The following PARVG variants were observed in gnomAD, a reference collection of about 807,000 sequenced individuals.
PARVG encodes the protein parvin gamma, also known as gamma-parvin.
In PARVG, 36 loss-of-function variants were observed where a neutral mutation model predicts 44.4. That is an observed-to-expected ratio of 0.81 (90% CI 0.62 to 1.07). PARVG has a LOEUF of 1.07. Among genes scored for constraint, PARVG ranks in the 50% least tolerant of loss-of-function variants. The pLI is 0.00. For synonymous variants in PARVG, 170 were observed against 174.1 expected, an observed-to-expected ratio of 0.98 and a Z score of 0.19; for missense variants, 407 against 407.4, an observed-to-expected ratio of 1.00 and a Z score of 0.01.
chr22:44,189,382 G>A, intron 6 of PARVG, 128 bp downstream of exon 6: 1 of 1,409,574 alleles, frequency 7.1e-7, no homozygotes, highest in South Asian at 1.4e-5. Context: ...CTGGGAGTCA[G>A]GAAGGAGGTA....
chr22:44,193,863 G>A (rs1466672321), intron 9 of PARVG, 40 bp downstream of exon 9: 1 of 1,611,868 alleles, frequency 6.2e-7, no homozygotes, highest in Non-Finnish European at 8.5e-7. Flanking sequence ...GTTCCTATCT[G>A]ATGCGTGTTA....
At chr22:44,173,132 G>A in exon 1 of PARVG, 2 of 1,288,412 alleles carry the variant, frequency 1.6e-6, no homozygotes. Flanking sequence ...TGGGACTTTG[G>A]GAACCCCAAA....
At position 44,180,974 on chromosome 22, in the gene PARVG, G is replaced by A. The variant is rs2054366893; in HGVS notation, c.-400G>A. ...GAAGTGTTTCTCTATCTACTGTGCT[G>A]AGATCTCTCCTTCTCGAACCCTGCT... On this transcript the variant is annotated 5_prime_UTR_variant, in exon 1 of 14. Coordinates refer to ENST00000444313, the MANE Select transcript of PARVG (RefSeq NM_022141.7). 1 of 985,226 alleles carries A rather than the reference G, an allele frequency of 1.0e-6. No individual in the cohort carries two copies. The highest frequency in any genetic ancestry group is 6.2e-5 in the Admixed American group (1 of 16,250). The allele number at this position is 985,226 out of a possible 1,614,324, so 61.0% of individuals were successfully genotyped here.
At chr22:44,193,663 A>G (rs558366392) in intron 8 of PARVG, 138 bp from the exon 9 acceptor site, 13 of 1,086,032 alleles carry the variant, frequency 1.2e-5, no homozygotes, top group South Asian at 7.3e-5. Flanking sequence ...CCCTACCTAC[A>G]AAGCTGCCAG....
upstream of PARVG, among the ~76,000 whole-genome samples, chr22:44,176,635 G>C (rs750483074): frequency 1.5e-4 from 18 of 119,942 alleles, no homozygotes; most frequent in Non-Finnish European, 2.5e-4. Context: ...ACTAGGATGA[G>C]AGCAAAGGCT....
In PARVG at chr22:44,207,116, G is replaced by A. The variant is rs542662564; in HGVS notation, c.*690G>A. 6.6e-6 allele frequency: 1 copy of A among 151,652 alleles called. No homozygotes were observed. Among genetic ancestry groups the A allele is most frequent in the African/African-American group, 2.4e-5 (1 of 41,024 alleles). The allele number at this position is 151,652 out of a possible 1,614,324, so 9.4% of individuals were successfully genotyped here. ...TGTGGGTTCCCACTCGCTCCAGTGA[G>A]ACTTGGCATTTTCTGCACATAAAGA... On this transcript the variant is annotated 3_prime_UTR_variant, in exon 14 of 14. Coordinates refer to ENST00000444313, the MANE Select transcript of PARVG (RefSeq NM_022141.7).
Position 44,185,789 on chromosome 22 carries a change from A to G in PARVG, c.80-19A>G. 6.2e-7 allele frequency: 1 copy of G among 1,610,556 alleles called. No homozygotes were observed. Among genetic ancestry groups the G allele is most frequent in the East Asian group, 2.2e-5 (1 of 44,770 alleles). ...CCCACAGGGTCCCCATGCGCTTGTCATACCCACTCTGCTTCCAGGAGGAAA... is the reference window on the plus strand; with the variant it reads ...CCCACAGGGTCCCCATGCGCTTGTCGTACCCACTCTGCTTCCAGGAGGAAA... On this transcript the variant is annotated intron_variant, in intron 3 of 13. Coordinates refer to ENST00000444313, the MANE Select transcript of PARVG (RefSeq NM_022141.7).
upstream of PARVG, among the ~76,000 whole-genome samples, chr22:44,179,632 T>G (rs1256188316): frequency 6.6e-6 from 1 of 152,204 alleles, no homozygotes; most frequent in East Asian, 1.9e-4. This position sits in a 1 kb window ranked among gnomAD's most constrained non-coding sequence, Gnocchi z 4.2. Flanking sequence ...CTATTAGAAC[T>G]CCATTCTCTA....
chr22:44,198,590 A>T (rs371686426), intron 11 of PARVG, 31 bp from the exon 12 acceptor site: 2 of 1,538,704 alleles, frequency 1.3e-6, no homozygotes, highest in Middle Eastern at 1.7e-4. Flanking sequence ...GGCTTCTTCC[A>T]TGTGATTGTC....
At chr22:44,176,111 G>A (rs889360919), upstream of PARVG, among the ~76,000 whole-genome samples, 1 of 152,148 alleles carries the variant, frequency 6.6e-6, no homozygotes, top group African/African-American at 2.4e-5. Flanking sequence ...TATTGCCAAG[G>A]TGAGCCTGAA....
chr22:44,195,964 C>T (rs775397281), intron 9 of PARVG, 191 bp from the exon 10 acceptor site: 6 of 610,820 alleles, frequency 9.8e-6, no homozygotes, highest in African/African-American at 1.9e-5. Flanking sequence ...GAGACGGTGA[C>T]TCCCCTGGGG....
At chr22:44,181,580 A>T (rs1020950850) in intron 1 of PARVG, 162 bp from the exon 2 acceptor site, 29 of 581,886 alleles carry the variant, frequency 5.0e-5, no homozygotes, top group Non-Finnish European at 5.6e-5. Flanking sequence ...GGTTTGGGGA[A>T]GGCGGGGAGA....
At chr22:44,204,768 G>A (rs561779241) in intron 12 of PARVG, among the ~76,000 whole-genome samples, 6 of 152,360 alleles carry the variant, frequency 3.9e-5, no homozygotes, top group African/African-American at 7.2e-5. Flanking sequence ...GTGGATCTAC[G>A]GGTGGCTAAG....
chr22:44,189,649 T>G (rs139138), intron 6 of PARVG, among the ~76,000 whole-genome samples: 133,070 of 152,192 alleles, frequency 0.87, 59,219 homozygotes, highest in Non-Finnish European at 0.96. Flanking sequence ...GGGTGTGGTG[T>G]CTCACACCTG....
At chr22:44,203,760 G>A (rs1467306551) in intron 12 of PARVG, among the ~76,000 whole-genome samples, 1 of 152,244 alleles carries the variant, frequency 6.6e-6, no homozygotes, top group East Asian at 1.9e-4. Flanking sequence ...GTGATGCTCT[G>A]GTCTGTCCAC....
rs969018481 is a variant in PARVG at position 44,207,577 on chromosome 22, T to C, written c.*1151T>C. The C allele has an allele frequency of 6.6e-6, 1 of 151,828 alleles. No homozygotes were observed. Among genetic ancestry groups the C allele is most frequent in the African/African-American group, 2.4e-5 (1 of 41,306 alleles). 9.4% of individuals were successfully genotyped at this position (151,828 alleles called of 1,614,324 possible). A position where few individuals can be genotyped will look rare whatever the true frequency, so the allele number is the denominator to read the frequency against. On this transcript the variant is annotated 3_prime_UTR_variant, in exon 14 of 14. Coordinates refer to ENST00000444313, the MANE Select transcript of PARVG (RefSeq NM_022141.7). ...CCTGGACCCTGAAGAGGCCTCTGGG[T>C]CTGGGGTTTTCACAGTTTGACAGCT...
chr22:44,192,762 C>T (rs531665026), intron 8 of PARVG, among the ~76,000 whole-genome samples: 2 of 151,714 alleles, frequency 1.3e-5, no homozygotes, highest in East Asian at 2.0e-4. Context: ...TCCCTGCCCA[C>T]TGGGGCTGGC....
intron 1 of PARVG, 101 bp downstream of exon 1, chr22:44,181,286 A>G: frequency 2.1e-6 from 2 of 961,304 alleles, no homozygotes; most frequent in Non-Finnish European, 2.5e-6. Flanking sequence ...GGGGTCAGGA[A>G]GTGACTCACT....
intron 6 of PARVG, among the ~76,000 whole-genome samples, chr22:44,189,548 G>C (rs551782571): frequency 7.9e-5 from 12 of 152,308 alleles, no homozygotes; most frequent in Middle Eastern, 6.8e-3. Flanking sequence ...TGAGTTCCAA[G>C]TACCGTGGTC....
Sources: gnomAD v4.1 joint callset for allele counts (sites outside exome capture counted in the v4.1 genomes callset) on GRCh38, gnomAD v4.1.1 for gene constraint, Gnocchi (gnomAD v3.1) non-coding constraint, MANE v1.5 for transcripts, NCBI Gene and HGNC (gene_info 2026-07-23, HGNC 2026-07-21) for gene names.